The following DENND5B variants were observed in gnomAD, a reference collection of about 807,000 sequenced individuals.
The protein encoded by DENND5B is DENN domain-containing protein 5B.
In DENND5B, 34 loss-of-function variants were observed where a neutral mutation model predicts 140.6. That is an observed-to-expected ratio of 0.24 (90% CI 0.18 to 0.32). The LOEUF (loss-of-function observed/expected upper bound fraction) is 0.32. Among genes scored for constraint, DENND5B ranks in the 10% least tolerant of loss-of-function variants. The pLI is 1.00. For synonymous variants in DENND5B, 551 were observed against 562.1 expected, an observed-to-expected ratio of 0.98 and a Z score of 0.28; for missense variants, 1,142 against 1,560.2, an observed-to-expected ratio of 0.73 and a Z score of 4.52.
Position 31,389,431 on chromosome 12 carries a change from C to T in DENND5B, c.3534G>A (p.Gln1178=). ...GGCAGAAGGTTTTGCAGGATGATTT[C>T]TGAATAAGGACATCATCTTCATTAT... The part of the protein sequence containing the change: ...ILDNEDDVLI[Q]KSSCKTFCHY... Residue 1178 remains glutamine (Q), a synonymous_variant, in exon 20 of 21, where the codon CAG becomes CAA. Transcript: ENST00000389082. 6.2e-7 allele frequency: 1 copy of T among 1,609,142 alleles called. No individual in the cohort carries two copies. Among genetic ancestry groups the T allele is most frequent in the East Asian group, 2.2e-5 (1 of 44,840 alleles).
At chr12:31,582,911 TCAGA>T (rs2139489200) in intron 1 of DENND5B, among the ~76,000 whole-genome samples, 1 of 152,338 alleles carries the variant, frequency 6.6e-6, no homozygotes, top group South Asian at 2.1e-4. Flanking sequence ...ATGAATTATG[TCAGA>T]CAGATCTTCA....
rs1034520396 is a variant in DENND5B at position 31,464,788 on chromosome 12, T to C, written c.905-4407A>G. On this transcript the variant is annotated intron_variant, in intron 3 of 20. Transcript: ENST00000389082. Reference sequence around the variant, plus strand: ...GTTGGCCAGGCTGGTCTTGAACTCCTGACCTCAAGTGATCTGCCTGCCTGC... The same window carrying C: ...GTTGGCCAGGCTGGTCTTGAACTCCCGACCTCAAGTGATCTGCCTGCCTGC... Among the ~76,000 whole-genome samples the C allele has an allele frequency of 5.3e-5, 8 of 152,174 alleles. No individual in the cohort carries two copies. The South Asian group carries it at 1.7e-3, about 32-fold the overall frequency.
At position 31,460,254 on chromosome 12, in the gene DENND5B, A is replaced by G. The variant is rs1486408532; in HGVS notation, c.1032T>C (p.Tyr344=). The G allele has an allele frequency of 1.2e-6, 2 of 1,613,944 alleles. No individual in the cohort carries two copies. The highest frequency in any genetic ancestry group is 1.7e-6 in the Non-Finnish European group (2 of 1,179,870). ...LLHFLDAPVP[Y]LMGLQSKEGT... The stretch of plus-strand genomic sequence containing the variant: ...CTTCTTTTGACTGAAGGCCCATCAG[A>G]TAAGGGACAGGAGCATCAAGAAAAT... The change falls in exon 4 of 21, where the codon TAT becomes TAC. Residue 344 remains tyrosine (Y), a synonymous_variant. Transcript: ENST00000389082.
At chr12:31,428,106 T>C (rs1943328704) in intron 8 of DENND5B, among the ~76,000 whole-genome samples, 1 of 152,144 alleles carries the variant, frequency 6.6e-6, no homozygotes, top group African/African-American at 2.4e-5. Flanking sequence ...TTTTCTCTTA[T>C]TTCTTTGACC....
chr12:31,479,626 A>G lies in DENND5B; in HGVS notation c.867T>C (p.Cys289=). The change falls in exon 3 of 21, where the codon TGT becomes TGC. Residue 289 remains cysteine, a synonymous_variant. Coordinates refer to ENST00000389082, the MANE Select transcript of DENND5B (RefSeq NM_144973.4). The part of the protein sequence containing the change: ...GLENLVQVFT[C]VLLEMQILLY... Reference sequence around the variant, plus strand: ...GAAGGATTTGCATCTCTAAAAGAACACAGGTAAACACCTGCACCAGGTTCT... The same window carrying G: ...GAAGGATTTGCATCTCTAAAAGAACGCAGGTAAACACCTGCACCAGGTTCT... 6.6e-7 allele frequency: 1 copy of G among 1,512,314 alleles called. No individual in the cohort carries two copies. Among genetic ancestry groups the G allele is most frequent in the Non-Finnish European group, 8.8e-7 (1 of 1,132,712 alleles). 93.7% of individuals were successfully genotyped at this position (1,512,314 alleles called of 1,614,324 possible).
At chr12:31,562,331 C>T (rs1023634073) in intron 1 of DENND5B, among the ~76,000 whole-genome samples, 1 of 152,074 alleles carries the variant, frequency 6.6e-6, no homozygotes, top group Non-Finnish European at 1.5e-5. Flanking sequence ...ATAAATGGGC[C>T]GGGCGCAGCA....
intron 1 of DENND5B, among the ~76,000 whole-genome samples, chr12:31,568,466 A>C (rs983150376): frequency 1.3e-5 from 2 of 152,214 alleles, no homozygotes; most frequent in Admixed American, 1.3e-4. Flanking sequence ...TAGTCTCAGT[A>C]ATCAGTTTAA....
chr12:31,412,077 A>T (rs973994817), intron 13 of DENND5B, among the ~76,000 whole-genome samples: 2 of 151,994 alleles, frequency 1.3e-5, no homozygotes, highest in African/African-American at 4.8e-5. Flanking sequence ...GCCTCCAAGT[A>T]GCTGGGATTA....
At chr12:31,575,074 T>C (rs144255731) in intron 1 of DENND5B, among the ~76,000 whole-genome samples, 88 of 152,274 alleles carry the variant, frequency 5.8e-4, no homozygotes, top group African/African-American at 2.1e-3. Context: ...TATTTTGAAA[T>C]CCTGACAAAA....
rs1941547820 is a variant in DENND5B at position 31,397,564 on chromosome 12, A to AAAAAAAAAAG, written c.3256+601_3256+610dup. Among the ~76,000 whole-genome samples the AAAAAAAAAAG allele has an allele frequency of 1.3e-5, 2 of 149,312 alleles. 1 individual carries two copies. Among genetic ancestry groups the AAAAAAAAAAG allele is most frequent in the Non-Finnish European group, 3.0e-5 (2 of 67,304 alleles). ...TTCCATCTCACAAAAAAAAAAAAAA[A>AAAAAAAAAAG]AAAAAAAAAGGCTAGATATGGCTAT... On this transcript the variant is annotated intron_variant, in intron 17 of 20. Coordinates refer to ENST00000389082, the MANE Select transcript of DENND5B (RefSeq NM_144973.4).
At chr12:31,527,260 G>C (rs34986122) in intron 1 of DENND5B, among the ~76,000 whole-genome samples, 20,328 of 152,170 alleles carry the variant, frequency 0.13, 1,609 homozygotes, top group Non-Finnish European at 0.18. Context: ...AAGATCCTTG[G>C]GGGGAAGAGC....
intron 1 of DENND5B, among the ~76,000 whole-genome samples, chr12:31,505,239 C>CTTTTT (rs200931111): frequency 7.7e-6 from 1 of 129,128 alleles, no homozygotes; most frequent in African/African-American, 2.9e-5. Context: ...CAGAATTTGC[C>CTTTTT]TTTTTTTTTT....
chr12:31,500,582 A>G (rs1288266248), intron 1 of DENND5B: 2 of 297,340 alleles, frequency 6.7e-6, no homozygotes, highest in East Asian at 1.2e-4. Flanking sequence ...CAGGAAGGCC[A>G]GGCAGGAGAA....
chr12:31,455,850 T>C (rs2682678), intron 4 of DENND5B, among the ~76,000 whole-genome samples: 11,502 of 151,490 alleles, frequency 0.076, 850 homozygotes, highest in African/African-American at 0.19. Context: ...TGAAAGCCCG[T>C]CTCTACTAAA....
At chr12:31,450,527 T>A (rs1323425515) in intron 5 of DENND5B, among the ~76,000 whole-genome samples, 1 of 152,088 alleles carries the variant, frequency 6.6e-6, no homozygotes, top group Non-Finnish European at 1.5e-5. Context: ...CGGCTAATTT[T>A]AAAATTTTTT....
At chr12:31,444,165 T>TA (rs1370772465) in intron 6 of DENND5B, 1 of 152,252 alleles carries the variant, frequency 6.6e-6, no homozygotes, top group Non-Finnish European at 1.5e-5. Context: ...AGTTGTGTGA[T>TA]AAACAGAACA....
intron 1 of DENND5B, among the ~76,000 whole-genome samples, chr12:31,560,779 C>A (rs1228591959): frequency 6.6e-6 from 1 of 152,178 alleles, no homozygotes; most frequent in East Asian, 1.9e-4. Flanking sequence ...TACTCGAACT[C>A]ACCAGGTGAC....
chr12:31,441,706 A>T lies in DENND5B; in HGVS notation c.2012+1069T>A, dbSNP rs115023717. Reference sequence around the variant, plus strand: ...CACAATTCTTTTTAATACTATTTTTATTTTTTGAGACAGGGCCTGTTTCCC... The same window carrying T: ...CACAATTCTTTTTAATACTATTTTTTTTTTTTGAGACAGGGCCTGTTTCCC... On this transcript the variant is annotated intron_variant, in intron 7 of 20. Transcript: ENST00000389082. 1.3e-5 allele frequency among the ~76,000 whole-genome samples: 2 copies of T among 151,730 alleles called. 1 individual carries two copies. The highest frequency in any genetic ancestry group is 1.3e-4 in the Admixed American group (2 of 15,238).
At chr12:31,433,334 C>T in intron 7 of DENND5B, 86 bp from the exon 8 acceptor site, 1 of 1,152,306 alleles carries the variant, frequency 8.7e-7, no homozygotes, top group Non-Finnish European at 1.2e-6. Context: ...CTGACACACA[C>T]ATTTTAAAAT....
Sources: allele counts gnomAD v4.1 joint callset (sites outside exome capture counted in the v4.1 genomes callset), GRCh38; gene constraint gnomAD v4.1.1; transcripts MANE v1.5; gene names NCBI Gene and HGNC (gene_info 2026-07-23, HGNC 2026-07-21).